The following TRAK1 variants were observed in gnomAD, a reference collection of about 807,000 sequenced individuals.
TRAK1 encodes the protein trafficking kinesin-binding protein 1.
TRAK1 carries 33 observed loss-of-function variants against 92.1 expected under a neutral mutation model. That is an observed-to-expected ratio of 0.36 (90% CI 0.27 to 0.48). The LOEUF (loss-of-function observed/expected upper bound fraction) is 0.48, where lower values mean the gene tolerates loss of function less well. Ranked by LOEUF, TRAK1 falls within the 20% of genes least tolerant of loss-of-function variation. The pLI, the probability that TRAK1 is intolerant of heterozygous loss-of-function variation, is 0.99. For missense variants in TRAK1, 1,123 were observed against 1,257.9 expected (o/e 0.89, Z 1.62); for synonymous variants, 521 against 517.3 (o/e 1.01, Z -0.10).
At chr3:42,143,014 G>C (rs191130457) in intron 2 of TRAK1, among the ~76,000 whole-genome samples, 52 of 152,232 alleles carry the variant, frequency 3.4e-4, no homozygotes, top group Non-Finnish European at 6.0e-4. Context: ...CGAAGACTTG[G>C]AATCAGCCAC....
chr3:42,084,741 A>G (rs1334144460), upstream of TRAK1, among the ~76,000 whole-genome samples: 1 of 151,002 alleles, frequency 6.6e-6, no homozygotes, highest in Non-Finnish European at 1.5e-5. Context: ...TTTTCTAGTG[A>G]GGCAGCTTAT....
At chr3:42,104,934 A>G (rs1707310228) in intron 1 of TRAK1, among the ~76,000 whole-genome samples, 1 of 149,502 alleles carries the variant, frequency 6.7e-6, no homozygotes, top group South Asian at 2.1e-4. Flanking sequence ...AACCCATTGC[A>G]AAGAAGCTAA....
At chr3:42,017,135 T>G (rs897364823) in intron 1 of TRAK1, among the ~76,000 whole-genome samples, 1 of 152,086 alleles carries the variant, frequency 6.6e-6, no homozygotes, top group African/African-American at 2.4e-5. Context: ...GCAGCATGCG[T>G]GTGTAATCCC....
At chr3:42,038,427 T>G (rs953971771) in intron 1 of TRAK1, among the ~76,000 whole-genome samples, 1 of 152,168 alleles carries the variant, frequency 6.6e-6, no homozygotes, top group African/African-American at 2.4e-5. Flanking sequence ...CTGGCTCAAG[T>G]GATCCTCCCA....
chr3:42,035,858 A>G (rs941668697), intron 1 of TRAK1, among the ~76,000 whole-genome samples: 1 of 152,198 alleles, frequency 6.6e-6, no homozygotes, highest in Non-Finnish European at 1.5e-5. Context: ...TTGCTTCTGC[A>G]GTTACCTCTG....
At chr3:42,057,403 A>C (rs1316252708) in intron 1 of TRAK1, among the ~76,000 whole-genome samples, 1 of 152,182 alleles carries the variant, frequency 6.6e-6, no homozygotes, top group Admixed American at 6.5e-5. Context: ...ATTCACATCC[A>C]TCTCTGCCAC....
chr3:42,148,397 A>AATCTGTC (rs2149250248), intron 2 of TRAK1, among the ~76,000 whole-genome samples: 1 of 152,352 alleles, frequency 6.6e-6, no homozygotes, highest in South Asian at 2.1e-4. Flanking sequence ...GATAGCCTAG[A>AATCTGTC]ATCTGTCTTA....
At chr3:42,045,852 T>A (rs536104785) in intron 1 of TRAK1, among the ~76,000 whole-genome samples, 1 of 152,360 alleles carries the variant, frequency 6.6e-6, no homozygotes, top group South Asian at 2.1e-4. Context: ...GATGGTTAGA[T>A]ATCAGGCTGC....
chr3:42,207,539 C>A (rs1263101367), intron 13 of TRAK1, among the ~76,000 whole-genome samples: 1 of 152,176 alleles, frequency 6.6e-6, no homozygotes, highest in African/African-American at 2.4e-5. Context: ...TTCAGGCAGC[C>A]ACCATTCCCC....
intron 2 of TRAK1, among the ~76,000 whole-genome samples, chr3:42,148,073 G>A (rs1282570400): frequency 6.6e-6 from 1 of 151,990 alleles, no homozygotes; most frequent in Non-Finnish European, 1.5e-5. Context: ...TGCTGCTGTT[G>A]ACACCAACAG....
chr3:42,141,513 T>C (rs1403407710), intron 2 of TRAK1, among the ~76,000 whole-genome samples: 1 of 152,174 alleles, frequency 6.6e-6, no homozygotes, highest in Non-Finnish European at 1.5e-5. Flanking sequence ...CGTAACAAAT[T>C]ACCACAAACT....
intron 1 of TRAK1, among the ~76,000 whole-genome samples, chr3:42,075,635 C>T (rs957582079): frequency 3.3e-5 from 5 of 152,170 alleles, no homozygotes; most frequent in Non-Finnish European, 5.9e-5. Flanking sequence ...ACCGTTTTCT[C>T]CTCAAGCTCA....
At chr3:42,122,798 A>G (rs775214791) in intron 1 of TRAK1, among the ~76,000 whole-genome samples, 3 of 152,168 alleles carry the variant, frequency 2.0e-5, no homozygotes, top group Non-Finnish European at 4.4e-5. Context: ...GGGGGAGGAC[A>G]TAGCTTCTGT....
intron 2 of TRAK1, among the ~76,000 whole-genome samples, chr3:42,133,280 G>T (rs1309358434): frequency 6.6e-6 from 1 of 152,100 alleles, no homozygotes; most frequent in African/African-American, 2.4e-5. Flanking sequence ...CCCTATAGCA[G>T]CCCCACCAGT....
intron 14 of TRAK1, among the ~76,000 whole-genome samples, chr3:42,213,829 C>T (rs992281146): frequency 6.6e-6 from 1 of 152,088 alleles, no homozygotes; most frequent in Admixed American, 6.6e-5. Flanking sequence ...GATGTGAGTT[C>T]CCATGCTGTT....
chr3:42,136,939 A>T (rs1161168989), intron 2 of TRAK1, among the ~76,000 whole-genome samples: 1 of 152,302 alleles, frequency 6.6e-6, no homozygotes, highest in East Asian at 1.9e-4. Flanking sequence ...TCAGGCTCCC[A>T]AAGTGCTGGG....
intron 2 of TRAK1, among the ~76,000 whole-genome samples, chr3:42,172,810 A>T (rs1241351833): frequency 6.6e-6 from 1 of 152,184 alleles, no homozygotes; most frequent in Non-Finnish European, 1.5e-5. Flanking sequence ...AGTTGCATTT[A>T]ACTTCTTTTT....
At chr3:42,206,534 C>T (rs1034454256) in intron 13 of TRAK1, among the ~76,000 whole-genome samples, 1 of 152,212 alleles carries the variant, frequency 6.6e-6, no homozygotes, top group African/African-American at 2.4e-5. Flanking sequence ...TAGCAAGTTA[C>T]TTTCCCTTCC....
rs764947323 is a variant in TRAK1, at chr3:42,200,983, C to T, written c.1356C>T (p.Ser452=). The T allele has an allele frequency of 1.5e-5, 24 of 1,614,082 alleles. No homozygotes were observed. The highest frequency in any genetic ancestry group is 3.3e-4 in the Middle Eastern group (2 of 6,084). The change falls in exon 12 of 16, where the codon AGC becomes AGT. Residue 452 remains serine (S), a synonymous_variant. Transcript: ENST00000327628. ...CCCCCCGGTCCAGCTTCTACGGCAGCGACATAGGCAACGTCGTCCTCGACA... is the reference window on the plus strand; with the variant it reads ...CCCCCCGGTCCAGCTTCTACGGCAGTGACATAGGCAACGTCGTCCTCGACA... ...VSTPRSSFYG[S]DIGNVVLDNK...
Sources: allele counts gnomAD v4.1 joint callset (sites outside exome capture counted in the v4.1 genomes callset), GRCh38; gene constraint gnomAD v4.1.1; transcripts MANE v1.5; gene names NCBI Gene and HGNC (gene_info 2026-07-23, HGNC 2026-07-21).